The following XDH variants were observed in gnomAD, a reference collection of about 807,000 sequenced individuals.
XDH encodes xanthine dehydrogenase/oxidase.
A neutral mutation model predicts 156.1 loss-of-function variants in XDH; 138 were observed. That is an observed-to-expected ratio of 0.88 (90% CI 0.77 to 1.02). The LOEUF (loss-of-function observed/expected upper bound fraction) is 1.02. Ranked by LOEUF, XDH falls within the 50% of genes least tolerant of loss-of-function variation. The pLI, the probability that XDH is intolerant of heterozygous loss-of-function variation, is 0.00. For synonymous variants in XDH, 669 were observed against 625.7 expected (o/e 1.07, Z -1.03); for missense variants, 1,849 against 1,684.9 (o/e 1.10, Z -1.71).
intron 7 of XDH, 110 bp from the exon 8 acceptor site, chr2:31,388,007 C>A (rs189716706): frequency 1.5e-6 from 2 of 1,292,012 alleles, no homozygotes; most frequent in African/African-American, 1.5e-5. Context: ...CCCCTGCAGG[C>A]TGCAAGAGGA....
At chr2:31,348,464 C>G in intron 27 of XDH, 101 bp from the exon 28 acceptor site, 1 of 1,130,114 alleles carries the variant, frequency 8.8e-7, no homozygotes, top group South Asian at 1.3e-5. Flanking sequence ...GAACCAGCAG[C>G]ATTTTGGATG....
intron 5 of XDH, 33 bp from the exon 6 acceptor site, chr2:31,397,762 G>A (rs2148003293): frequency 1.2e-6 from 2 of 1,613,774 alleles, no homozygotes; most frequent in South Asian, 2.2e-5. Flanking sequence ...CAATGTCAGT[G>A]CAGGGCCCTG....
rs2148745585 is a variant in XDH, at chr2:31,335,397, C to G, written c.*561G>C. On this transcript the variant is annotated 3_prime_UTR_variant, in exon 36 of 36. Coordinates refer to ENST00000379416, the MANE Select transcript of XDH (RefSeq NM_000379.4). ...CTTCACAAAATCAGATCCAATTAAC[C>G]TTGAATTTGTTTCATTCTTTATTCT... The G allele has an allele frequency of 6.1e-6, 1 of 163,506 alleles. No individual in the cohort carries two copies. The highest frequency in any genetic ancestry group is 1.6e-4 in the South Asian group (1 of 6,252). 10.1% of individuals were successfully genotyped at this position (163,506 alleles called of 1,614,324 possible).
chr2:31,349,152 G>A (rs1165294311), intron 26 of XDH, among the ~76,000 whole-genome samples, 172 bp from the exon 27 acceptor site: 1 of 152,206 alleles, frequency 6.6e-6, no homozygotes, highest in Non-Finnish European at 1.5e-5. Context: ...TCTTCCCTGA[G>A]TGCAACCCGT....
chr2:31,412,654 G>A (rs533729973), intron 1 of XDH, among the ~76,000 whole-genome samples: 13 of 152,238 alleles, frequency 8.5e-5, no homozygotes, highest in African/African-American at 3.1e-4. Context: ...GAGTCACTAA[G>A]TTCTTACAGC....
intron 4 of XDH, among the ~76,000 whole-genome samples, chr2:31,399,695 G>A (rs1360384640): frequency 2.6e-5 from 4 of 152,140 alleles, no homozygotes; most frequent in Non-Finnish European, 5.9e-5. Context: ...CCCCCATCCT[G>A]TTCTCATGGT....
rs143425896 is a variant in XDH, at chr2:31,363,217, C to T, written c.2631+941G>A. Among the ~76,000 whole-genome samples, 1,522 of 152,290 alleles carry T rather than the reference C, an allele frequency of 1.0e-2. 20 individuals are homozygous for T. Among genetic ancestry groups the T allele is most frequent in the African/African-American group, 0.035 (1,472 of 41,570 alleles). ...ATCCCAGCTACTCGGGAGGCTGAGA[C>T]AGGAGAATCGCTTGAAGCTGGAGGC... On this transcript the variant is annotated intron_variant, in intron 24 of 35. Transcript: ENST00000379416.
At chr2:31,406,251 A>G (rs1687189262) in intron 1 of XDH, among the ~76,000 whole-genome samples, 1 of 152,074 alleles carries the variant, frequency 6.6e-6, no homozygotes. Flanking sequence ...AGTATGTGGC[A>G]TCACCCCCTT....
At position 31,414,687 on chromosome 2, in the gene XDH, G is replaced by A. The variant is rs760839130; in HGVS notation, c.-21C>T. On this transcript the variant is annotated 5_prime_UTR_variant, in exon 1 of 36. Transcript: ENST00000379416. ...GTCATTGTCACAGGTTGGGGTCCCC[G>A]AACTCCAGGTACCTCACTCCTAAGA... 1.1e-5 allele frequency: 17 copies of A among 1,613,898 alleles called. No individual in the cohort carries two copies. Among genetic ancestry groups the A allele is most frequent in the East Asian group, 2.2e-5 (1 of 44,868 alleles).
Position 31,379,876 on chromosome 2 carries a change from G to C in XDH, c.1233C>G (p.Tyr411Ter), listed in dbSNP as rs1290358054. 1 of 1,614,172 alleles carries C rather than the reference G, an allele frequency of 6.2e-7. No homozygotes were observed. The highest frequency in any genetic ancestry group is 1.7e-5 in the Admixed American group (1 of 60,030). ...EEILLSIEIP[Y>*]SREGEYFSAF... ...ACTTCCAACATCTCACCTCCCTGCT[G>C]TAGGGGATCTCTATGGAGAGCAGTA... The change falls in exon 13 of 36, where the codon TAC becomes TAG. Residue 411 changes from tyrosine to a stop codon, truncating the protein, a stop_gained. Transcript: ENST00000379416. LOFTEE classifies it high-confidence loss of function.
At position 31,414,660 on chromosome 2, in the gene XDH, C is replaced by T. The variant is rs144150776; in HGVS notation, c.7G>A (p.Ala3Thr). MT[A>T]DKLVFFVNGR... ...TTCACAAAGAAAACCAATTTGTCTG[C>T]TGTCATTGTCACAGGTTGGGGTCCC... Residue 3 changes from alanine (A) to threonine (T), a missense_variant, in exon 1 of 36, where the codon GCA (alanine) becomes ACA (threonine). Transcript: ENST00000379416. 26 of 1,614,022 alleles carry T rather than the reference C, an allele frequency of 1.6e-5. No homozygotes were observed. The highest frequency in any genetic ancestry group is 2.1e-5 in the Non-Finnish European group (25 of 1,180,004).
intron 4 of XDH, 146 bp from the exon 5 acceptor site, chr2:31,398,845 A>G (rs1686984142): frequency 1.5e-6 from 2 of 1,349,948 alleles, no homozygotes; most frequent in Non-Finnish European, 2.0e-6. Context: ...CCATTTACCA[A>G]CTGTGACCTT....
intron 8 of XDH, among the ~76,000 whole-genome samples, chr2:31,386,840 G>A (rs1327673427): frequency 1.8e-5 from 2 of 109,538 alleles, no homozygotes; most frequent in African/African-American, 3.7e-5. Flanking sequence ...CTGCCATGAG[G>A]GGTCCCCAAC....
intron 1 of XDH, among the ~76,000 whole-genome samples, chr2:31,414,187 T>C (rs1310077099): frequency 2.0e-5 from 3 of 152,102 alleles, no homozygotes; most frequent in Non-Finnish European, 4.4e-5. Context: ...TCTTATATCC[T>C]GATAAAAGCA....
intron 24 of XDH, among the ~76,000 whole-genome samples, chr2:31,356,773 A>G (rs1015042157): frequency 1.3e-5 from 2 of 152,238 alleles, no homozygotes; most frequent in African/African-American, 4.8e-5. Flanking sequence ...ACAGCAAAAT[A>G]CACATTCTGC....
intron 8 of XDH, among the ~76,000 whole-genome samples, chr2:31,387,533 G>A (rs1169813892): frequency 6.6e-6 from 1 of 152,146 alleles, no homozygotes; most frequent in African/African-American, 2.4e-5. Flanking sequence ...TGTGCCTAGA[G>A]AGCCAGTCCC....
intron 13 of XDH, among the ~76,000 whole-genome samples, chr2:31,378,103 AAAGAAAGGAAGGAAGGAAGGAAGG>A (rs1483840979): frequency 9.8e-4 from 51 of 51,824 alleles, no homozygotes; most frequent in African/African-American, 1.9e-3. Flanking sequence ...AGAAAGAAAG[AAAGAAAGGAAGGAAGGAAGGAAGG>A]AAGGAAGGAA....
chr2:31,383,163 A>G lies in XDH; in HGVS notation c.887-11T>C. 1 of 1,614,198 alleles carries G rather than the reference A, an allele frequency of 6.2e-7. No homozygotes were observed. Among genetic ancestry groups the G allele is most frequent in the Non-Finnish European group, 8.5e-7 (1 of 1,180,030 alleles). On this transcript the variant is annotated splice_polypyrimidine_tract_variant and intron_variant, in intron 10 of 35. Coordinates refer to ENST00000379416, the MANE Select transcript of XDH (RefSeq NM_000379.4). ...CTCCAAAGGAGATACCTGGGAACGC[A>G]CGTTCGGAATCACAGCAATTCTTCC...
intron 24 of XDH, among the ~76,000 whole-genome samples, chr2:31,354,827 A>C (rs1312734556): frequency 1.3e-5 from 2 of 152,214 alleles, no homozygotes; most frequent in Non-Finnish European, 2.9e-5. Flanking sequence ...GCCATTGGAG[A>C]TCTGGAAGAA....
Sources: allele counts gnomAD v4.1 joint callset (sites outside exome capture counted in the v4.1 genomes callset), GRCh38; gene constraint gnomAD v4.1.1; transcripts MANE v1.5; gene names NCBI Gene and HGNC (gene_info 2026-07-23, HGNC 2026-07-21).